The following HDAC4 variants were observed in gnomAD, a reference collection of about 807,000 sequenced individuals.
HDAC4 encodes histone deacetylase A.
Under a neutral mutation model 135.1 loss-of-function variants are expected in HDAC4, and 16 were observed. That is an observed-to-expected ratio of 0.12 (90% CI 0.08 to 0.18). The LOEUF is 0.18. Ranked by LOEUF, HDAC4 falls within the 10% of genes least tolerant of loss-of-function variation. HDAC4 has a pLI of 1.00. For missense variants in HDAC4, 1,143 were observed against 1,511.8 expected, an observed-to-expected ratio of 0.76 and a Z score of 4.05; for synonymous variants, 685 against 653.4, an observed-to-expected ratio of 1.05 and a Z score of -0.74.
intron 2 of HDAC4, among the ~76,000 whole-genome samples, chr2:239,320,260 T>C (rs1332712940): frequency 6.6e-6 from 1 of 151,598 alleles, no homozygotes; most frequent in East Asian, 1.9e-4. Flanking sequence ...GAGGCGCCTG[T>C]AATCCCAGCT....
chr2:239,118,180 T>G (rs1293335497), intron 12 of HDAC4, among the ~76,000 whole-genome samples: 1 of 152,074 alleles, frequency 6.6e-6, no homozygotes, highest in African/African-American at 2.4e-5. Context: ...AGACTTCAGA[T>G]TGGGCGGGGG....
chr2:239,146,727 C>T lies in HDAC4; in HGVS notation c.734-2013G>A, dbSNP rs1469528607. On this transcript the variant is annotated intron_variant, in intron 7 of 26. Coordinates refer to ENST00000543185, the MANE Select transcript of HDAC4 (RefSeq NM_001378414.1). This position sits in a 1 kb window ranked among gnomAD's most constrained non-coding sequence, Gnocchi z 4.5. ...CCACTCCCCTCCCCTTCCCTCCTCT[C>T]CCCTTCCACAGGCCTCTGCTCCACG... 6.6e-6 allele frequency among the ~76,000 whole-genome samples: 1 copy of T among 150,872 alleles called. No homozygotes were observed. The highest frequency in any genetic ancestry group is 1.5e-5 in the Non-Finnish European group (1 of 67,708).
At chr2:239,105,187 T>C (rs147088281) in intron 15 of HDAC4, among the ~76,000 whole-genome samples, 29 of 152,324 alleles carry the variant, frequency 1.9e-4, no homozygotes, top group African/African-American at 6.7e-4. Context: ...GAAGGAGTCT[T>C]TGCTCCTTAC....
intron 5 of HDAC4, among the ~76,000 whole-genome samples, chr2:239,173,691 A>G (rs1011630512): frequency 1.3e-5 from 2 of 152,230 alleles, no homozygotes; most frequent in Non-Finnish European, 2.9e-5. Flanking sequence ...TAAAAGACAT[A>G]AAAGGTATTC....
rs112628767 is a variant in HDAC4 at position 239,324,452 on chromosome 2, T to C, written c.22+28226A>G. Among the ~76,000 whole-genome samples the C allele has an allele frequency of 3.3e-4, 51 of 152,364 alleles. 1 individual carries two copies. Among genetic ancestry groups the C allele is most frequent in the African/African-American group, 1.2e-3 (48 of 41,582 alleles). ...TAAAGTAAATAAATCCTACTCCCTG[T>C]AAAGCCTATTGCCATTATGTGTTTG... On this transcript the variant is annotated intron_variant, in intron 2 of 26. Coordinates refer to ENST00000543185, the MANE Select transcript of HDAC4 (RefSeq NM_001378414.1).
chr2:239,161,336 T>C (rs1438748043), intron 6 of HDAC4, among the ~76,000 whole-genome samples: 1 of 152,160 alleles, frequency 6.6e-6, no homozygotes, highest in Non-Finnish European at 1.5e-5. Flanking sequence ...TAGCCGATGA[T>C]TTTGGCGACC....
intron 3 of HDAC4, among the ~76,000 whole-genome samples, chr2:239,234,112 T>G (rs2047748871): frequency 6.6e-6 from 1 of 152,200 alleles, no homozygotes; most frequent in Admixed American, 6.5e-5. Flanking sequence ...AAATGCAGTT[T>G]GAAAGAACAC....
rs71043188 is a variant in HDAC4, at chr2:239,357,888, C to CAAAAAA, written c.-219-4976_-219-4971dup. 5.2e-4 allele frequency among the ~76,000 whole-genome samples: 29 copies of CAAAAAA among 55,642 alleles called. 1 individual carries two copies. Among genetic ancestry groups the CAAAAAA allele is most frequent in the African/African-American group, 2.3e-3 (27 of 11,512 alleles). 36.5% of individuals were successfully genotyped at this position (55,642 alleles called of 152,430 possible). ...TGGGTGACAGAGCAAGCCTCTGTTC[C>CAAAAAA]AAAAAAAAAAAAAAAAAAAAAAAAA... On this transcript the variant is annotated intron_variant, in intron 1 of 26. Coordinates refer to ENST00000543185, the MANE Select transcript of HDAC4 (RefSeq NM_001378414.1).
Position 239,146,370 on chromosome 2 carries a change from C to T in HDAC4, c.734-1656G>A, listed in dbSNP as rs1043259191. On this transcript the variant is annotated intron_variant, in intron 7 of 26. Coordinates refer to ENST00000543185, the MANE Select transcript of HDAC4 (RefSeq NM_001378414.1). The surrounding 1 kb of genome is among the most constrained non-coding windows in gnomAD (Gnocchi z 4.5). The stretch of plus-strand genomic sequence containing the variant: ...CCCGGGCCTGGGACAGGAGCCACTT[C>T]TGAGAGGCAGGGGCTGTGTGTGCCC... 1.3e-5 allele frequency among the ~76,000 whole-genome samples: 2 copies of T among 152,252 alleles called. No individual in the cohort carries two copies. The highest frequency in any genetic ancestry group is 2.9e-5 in the Non-Finnish European group (2 of 68,040).
At chr2:239,244,905 T>A (rs1279938484) in intron 2 of HDAC4, among the ~76,000 whole-genome samples, 1 of 152,192 alleles carries the variant, frequency 6.6e-6, no homozygotes, top group Non-Finnish European at 1.5e-5. Flanking sequence ...CGGCCCTCCC[T>A]GGGAGCTCTG....
At chr2:239,346,094 ACCCT>A (rs1454671232) in intron 2 of HDAC4, among the ~76,000 whole-genome samples, 117 of 146,898 alleles carry the variant, frequency 8.0e-4, no homozygotes, top group African/African-American at 3.0e-3. Flanking sequence ...ACACACACAC[ACCCT>A]AACACACATA....
At chr2:239,364,788 T>G (rs1345083650) in intron 1 of HDAC4, among the ~76,000 whole-genome samples, 1 of 152,394 alleles carries the variant, frequency 6.6e-6, no homozygotes, top group African/African-American at 2.4e-5. Context: ...TTACCTGGAC[T>G]TTCCAGACAG....
rs558422319 is a variant in HDAC4, at chr2:239,119,374, C to A, written c.1534-4064G>T. ...ACGGGCCTTCAGGAAGCAAGAATGT[C>A]CTGGAGGCTGCAGGTGTGGAAGGAA... On this transcript the variant is annotated intron_variant, in intron 12 of 26. Transcript: ENST00000543185. 1.3e-4 allele frequency among the ~76,000 whole-genome samples: 20 copies of A among 152,274 alleles called. No homozygotes were observed. The South Asian group carries it at 3.9e-3, about 30-fold the overall frequency.
chr2:239,390,260 A>G (rs1414106523), intron 1 of HDAC4, among the ~76,000 whole-genome samples: 6 of 152,218 alleles, frequency 3.9e-5, no homozygotes, highest in South Asian at 2.1e-4. Flanking sequence ...AGCCAGGTAC[A>G]GTACCTCACG....
At chr2:239,322,796 C>T (rs2053357235) in intron 2 of HDAC4, among the ~76,000 whole-genome samples, 2 of 152,074 alleles carry the variant, frequency 1.3e-5, no homozygotes, top group Admixed American at 6.5e-5. Context: ...GCCCCACACC[C>T]GGGGCCCCAC....
intron 3 of HDAC4, among the ~76,000 whole-genome samples, chr2:239,205,273 G>A (rs1210172576): frequency 3.2e-4 from 48 of 152,138 alleles, no homozygotes; most frequent in Non-Finnish European, 1.5e-5. Context: ...AAAGCACAAC[G>A]ATGCATGAAA....
chr2:239,172,664 C>T (rs1002096915), intron 5 of HDAC4, among the ~76,000 whole-genome samples: 11 of 151,876 alleles, frequency 7.2e-5, no homozygotes, highest in Non-Finnish European at 1.3e-4. Context: ...TTAATGAAAT[C>T]GATATTCAAC....
intron 3 of HDAC4, 66 bp downstream of exon 3, chr2:239,236,527 A>G (rs2047897932): frequency 1.6e-6 from 2 of 1,277,698 alleles, no homozygotes; most frequent in Non-Finnish European, 2.2e-6. Context: ...AATAAGGCAG[A>G]GCGTCTGAAC....
intron 15 of HDAC4, among the ~76,000 whole-genome samples, chr2:239,105,326 C>T (rs2038024216): frequency 6.6e-6 from 1 of 152,216 alleles, no homozygotes; most frequent in Non-Finnish European, 1.5e-5. Context: ...ACAAACCAAG[C>T]TGGGCAAGCA....
Sources: gnomAD v4.1 joint callset for allele counts (sites outside exome capture counted in the v4.1 genomes callset) on GRCh38, gnomAD v4.1.1 for gene constraint, Gnocchi (gnomAD v3.1) non-coding constraint, MANE v1.5 for transcripts, NCBI Gene and HGNC (gene_info 2026-07-23, HGNC 2026-07-21) for gene names.